The following CBY2 variants were observed in gnomAD, a reference collection of about 807,000 sequenced individuals.
CBY2 encodes the protein protein chibby homolog 2.
Under a neutral mutation model 25.3 loss-of-function variants are expected in CBY2, and 23 were observed. That is an observed-to-expected ratio of 0.91 (90% CI 0.65 to 1.29). CBY2 has a LOEUF of 1.29. Ranked by LOEUF, CBY2 falls within the 50% of genes most tolerant of loss-of-function variation. The probability of loss-of-function intolerance (pLI) is 0.00; values close to 1 mark genes in which losing one functional copy is unlikely to be tolerated. For missense variants in CBY2, 642 were observed against 590.7 expected (o/e 1.09, Z -0.90); for synonymous variants, 279 against 260.2 (o/e 1.07, Z -0.70).
chr13:45,710,858 A>G (rs79654948), intron 2 of CBY2, among the ~76,000 whole-genome samples: 3,210 of 152,318 alleles, frequency 0.021, 71 homozygotes, highest in Middle Eastern at 0.078. Flanking sequence ...AATGGCATAG[A>G]ACTGCATCTT....
At position 45,713,833 on chromosome 13, in the gene CBY2, C is replaced by A; in HGVS notation, c.808C>A (p.Gln270Lys). 6.5e-7 allele frequency: 1 copy of A among 1,533,120 alleles called. No homozygotes were observed. Among genetic ancestry groups the A allele is most frequent in the Non-Finnish European group, 8.8e-7 (1 of 1,141,672 alleles). The allele number at this position is 1,533,120 out of a possible 1,614,324, so 95.0% of individuals were successfully genotyped here. Residue 270 changes from glutamine (Q) to lysine (K), a missense_variant, in exon 3 of 3, where the codon CAG becomes AAG. By Grantham distance (53) the Gln-to-Lys change is moderately conservative. Coordinates refer to ENST00000310521, the MANE Select transcript of CBY2 (RefSeq NM_152719.3). The surrounding 1 kb of genome is among the most constrained non-coding windows in gnomAD (Gnocchi z 5.0). ...GGAGCAGAAACAGGCCTACTGGGCG[C>A]AGGCAGAGGACACGGCCGCCCCTGC... ...LLEQKQAYWA[Q>K]AEDTAAPAEE...
intron 1 of CBY2, 78 bp downstream of exon 1, chr13:45,702,543 T>G: frequency 1.6e-6 from 2 of 1,280,806 alleles, no homozygotes; most frequent in Admixed American, 3.4e-5. Context: ...TCAAAAACTT[T>G]CAAAAGCCTT....
At chr13:45,705,556 A>G (rs1176169301) in intron 2 of CBY2, among the ~76,000 whole-genome samples, 1 of 152,252 alleles carries the variant, frequency 6.6e-6, no homozygotes, top group East Asian at 1.9e-4. Context: ...CAAACATACT[A>G]CATATGACAT....
chr13:45,706,795 A>G lies in CBY2; in HGVS notation c.156+3940A>G, dbSNP rs148545368. On this transcript the variant is annotated intron_variant, in intron 2 of 2. Coordinates refer to ENST00000310521, the MANE Select transcript of CBY2 (RefSeq NM_152719.3). ...CTTGGCCCATGAAACCAATCCAGTG[A>G]TACCACTGGTCGAGGAGTCCTACTG... 4.0e-3 allele frequency among the ~76,000 whole-genome samples: 605 copies of G among 152,256 alleles called. 7 individuals are homozygous for G. Among genetic ancestry groups the G allele is most frequent in the African/African-American group, 0.014 (587 of 41,522 alleles).
At chr13:45,702,876 A>G (rs561312256) in intron 2 of CBY2, 21 bp downstream of exon 2, 1 of 1,573,740 alleles carries the variant, frequency 6.4e-7, no homozygotes, top group East Asian at 2.2e-5. Context: ...TCACAGAAGG[A>G]TGTAACCTAT....
Position 45,713,901 on chromosome 13 carries a change from C to T in CBY2, c.876C>T (p.Cys292=). The T allele has an allele frequency of 6.5e-7, 1 of 1,534,080 alleles. No homozygotes were observed. The highest frequency in any genetic ancestry group is 2.0e-5 in the Admixed American group (1 of 50,340). Reference sequence around the variant, plus strand: ...CCCCCTCACCCCACGAGGAGCCCTGCAGCCCCGGGCTGCTGCAGGACCAGG... The same window carrying T: ...CCCCCTCACCCCACGAGGAGCCCTGTAGCCCCGGGCTGCTGCAGGACCAGG... ...KPAPSPHEEP[C]SPGLLQDQGS... The change falls in exon 3 of 3, where the codon TGC becomes TGT. Residue 292 remains cysteine, a synonymous_variant. Transcript: ENST00000310521. The surrounding 1 kb of genome is among the most constrained non-coding windows in gnomAD (Gnocchi z 5.0).
In CBY2 at chr13:45,714,182, T is replaced by C. The variant is rs1411303764; in HGVS notation, c.1157T>C (p.Leu386Pro). 6.2e-7 allele frequency: 1 copy of C among 1,611,472 alleles called. No individual in the cohort carries two copies. Among genetic ancestry groups the C allele is most frequent in the Non-Finnish European group, 8.5e-7 (1 of 1,179,400 alleles). Residue 386 changes from leucine to proline, a missense_variant, in exon 3 of 3, where the codon CTA (leucine) becomes CCA (proline). Leu to Pro is a moderately conservative substitution (Grantham distance 98). Transcript: ENST00000310521. ...GAGGAGAACAGGACCCTGCAGGTGC[T>C]ACGGGCAGAGCACAGGGGCTTCCAG... ...LQEENRTLQV[L>P]RAEHRGFQEE...
chr13:45,713,078 C>G lies in CBY2; in HGVS notation c.157-104C>G. 1 of 939,856 alleles carries G rather than the reference C, an allele frequency of 1.1e-6. No individual in the cohort carries two copies. The highest frequency in any genetic ancestry group is 1.6e-6 in the Non-Finnish European group (1 of 642,414). 58.2% of individuals were successfully genotyped at this position (939,856 alleles called of 1,614,324 possible). A position where few individuals can be genotyped will look rare whatever the true frequency, so the allele number is the denominator to read the frequency against. On this transcript the variant is annotated intron_variant, in intron 2 of 2. Transcript: ENST00000310521. This position sits in a 1 kb window ranked among gnomAD's most constrained non-coding sequence, Gnocchi z 5.0. ...AAGCGCCCACTGTGGCCAGGCCAGA[C>G]AATCAGACGGGGCTTATTTGGGGAT...
Position 45,704,190 on chromosome 13 carries a change from T to A in CBY2, c.156+1335T>A, listed in dbSNP as rs528184436. 4.6e-5 allele frequency among the ~76,000 whole-genome samples: 7 copies of A among 152,054 alleles called. No individual in the cohort carries two copies. In the South Asian group the frequency reaches 1.2e-3, roughly 27 times the overall value. On this transcript the variant is annotated intron_variant, in intron 2 of 2. Coordinates refer to ENST00000310521, the MANE Select transcript of CBY2 (RefSeq NM_152719.3). This position sits in a 1 kb window ranked among gnomAD's most constrained non-coding sequence, Gnocchi z 4.1. The stretch of plus-strand genomic sequence containing the variant: ...TGTGATAGAGAAATTGGAATGATGT[T>A]TCCATCAACACCCACCGCAACTTTC...
rs377332253 is a variant in CBY2, at chr13:45,713,321, C to A, written c.296C>A (p.Pro99His). ...CCACTGAACCGCTTCTCCTCCGTGC[C>A]TTTAGACCCCATGGAGCGCCCCATG... ...SYPLNRFSSV[P>H]LDPMERPMSQ... Residue 99 changes from proline to histidine, a missense_variant, in exon 3 of 3, where the codon CCT (proline) becomes CAT (histidine). Transcript: ENST00000310521. This position sits in a 1 kb window ranked among gnomAD's most constrained non-coding sequence, Gnocchi z 5.0. The A allele has an allele frequency of 2.4e-5, 39 of 1,614,048 alleles. No individual in the cohort carries two copies. In the African/African-American group the frequency reaches 2.9e-4, roughly 12 times the overall value.
intron 2 of CBY2, among the ~76,000 whole-genome samples, chr13:45,705,567 C>A (rs1380067813): frequency 6.6e-6 from 1 of 152,238 alleles, no homozygotes; most frequent in African/African-American, 2.4e-5. Context: ...CATATGACAT[C>A]TTCTTTATCC....
At chr13:45,703,722 C>T (rs1950224431) in intron 2 of CBY2, 1 of 703,018 alleles carries the variant, frequency 1.4e-6, no homozygotes, top group Non-Finnish European at 2.5e-6. Flanking sequence ...AAGAAGAAAA[C>T]ATCCTGGATG....
chr13:45,713,514 C>T lies in CBY2; in HGVS notation c.489C>T (p.Ala163=), dbSNP rs151031636. ...FHHKLHHKRL[A]KECMLQEENK... is the part of the protein sequence containing the mutation. ...ACAAGCTGCACCACAAGAGGCTGGC[C>T]AAGGAGTGCATGCTGCAGGAGGAGA... Residue 163 remains alanine, a synonymous_variant, in exon 3 of 3, where the codon GCC becomes GCT. Coordinates refer to ENST00000310521, the MANE Select transcript of CBY2 (RefSeq NM_152719.3). This position sits in a 1 kb window ranked among gnomAD's most constrained non-coding sequence, Gnocchi z 5.0. The T allele has an allele frequency of 6.8e-6, 11 of 1,614,048 alleles. No individual in the cohort carries two copies. Among genetic ancestry groups the T allele is most frequent in the African/African-American group, 1.3e-5 (1 of 74,942 alleles).
At chr13:45,712,628 C>T (rs372150063) in intron 2 of CBY2, among the ~76,000 whole-genome samples, 34 of 152,106 alleles carry the variant, frequency 2.2e-4, no homozygotes, top group Non-Finnish European at 2.8e-4. Context: ...GTGTCCATTG[C>T]GCAGTCTATC....
In CBY2 at chr13:45,702,851, C is replaced by A. The variant is rs147117976; in HGVS notation, c.152C>A (p.Pro51His). Residue 51 changes from proline (P) to histidine (H), a missense_variant, in exon 2 of 3, where the codon CCT (proline) becomes CAT (histidine). Pro to His is a moderately conservative substitution (Grantham distance 77, BLOSUM62 -2). Transcript: ENST00000310521. ...SLEIPISVVLPQRGTAEPFPR... is the reference protein window; with the variant it reads ...SLEIPISVVLHQRGTAEPFPR... The stretch of plus-strand genomic sequence containing the variant: ...GAAATTCCAATCAGTGTGGTTCTAC[C>A]TCAGGTAGGGATAATCACAGAAGGA... 7 of 1,610,088 alleles carry A rather than the reference C, an allele frequency of 4.3e-6. No individual in the cohort carries two copies. Among genetic ancestry groups the A allele is most frequent in the Non-Finnish European group, 6.0e-6 (7 of 1,176,340 alleles).
intron 1 of CBY2, 38 bp downstream of exon 1, chr13:45,702,503 G>C: frequency 6.4e-7 from 1 of 1,567,192 alleles, no homozygotes; most frequent in Non-Finnish European, 8.8e-7. Context: ...AATCATCTTA[G>C]ACAGGGAAGC....
Position 45,714,085 on chromosome 13 carries a change from C to G in CBY2, c.1060C>G (p.Gln354Glu). 6.5e-7 allele frequency: 1 copy of G among 1,536,658 alleles called. No individual in the cohort carries two copies. The highest frequency in any genetic ancestry group is 8.8e-7 in the Non-Finnish European group (1 of 1,140,432). Residue 354 changes from glutamine to glutamate, a missense_variant, in exon 3 of 3, where the codon CAG (glutamine) becomes GAG (glutamate). By Grantham distance (29) the Gln-to-Glu change is conservative. Coordinates refer to ENST00000310521, the MANE Select transcript of CBY2 (RefSeq NM_152719.3). ...KVGPGLPDGCQPLQLLREMRQ... is the reference protein window; with the variant it reads ...KVGPGLPDGCEPLQLLREMRQ... ...GGGCCCGGGCCTGCCCGACGGCTGC[C>G]AGCCCCTGCAGCTGCTGAGAGAGAT...
intron 2 of CBY2, chr13:45,703,170 G>A: frequency 8.0e-7 from 1 of 1,257,566 alleles, no homozygotes; most frequent in Non-Finnish European, 1.0e-6. Context: ...TTGGTGCTTA[G>A]TGTTGTGCAA....
At chr13:45,703,265 C>G (rs188207699) in intron 2 of CBY2, 1 of 1,305,136 alleles carries the variant, frequency 7.7e-7, no homozygotes, top group Non-Finnish European at 9.7e-7. Flanking sequence ...AAACCTCATC[C>G]GTGGACAAAG....
Sources: allele counts gnomAD v4.1 joint callset (sites outside exome capture counted in the v4.1 genomes callset), GRCh38; gene constraint gnomAD v4.1.1; non-coding constraint Gnocchi (gnomAD v3.1); transcripts MANE v1.5; gene names NCBI Gene and HGNC (gene_info 2026-07-23, HGNC 2026-07-21).